Variants in STAT4 observed in about 807,000 individuals in gnomAD.
STAT4 encodes signal transducer and activator of transcription 4.
Under a neutral mutation model 110.5 loss-of-function variants are expected in STAT4, and 42 were observed. That is an observed-to-expected ratio of 0.38 (90% CI 0.30 to 0.49). STAT4 has a LOEUF of 0.49. Ranked by LOEUF, STAT4 falls within the 20% of genes least tolerant of loss-of-function variation. The pLI is 0.95. For missense variants in STAT4, 632 were observed against 887.9 expected (o/e 0.71, Z 3.66); for synonymous variants, 284 against 302.2 (o/e 0.94, Z 0.63).
rs760872742 is a variant in STAT4, at chr2:191,062,784, A to G, written c.919T>C (p.Leu307=). The change falls in exon 9 of 24, where the codon TTG becomes CTG. Residue 307 remains leucine (L), a synonymous_variant. Coordinates refer to ENST00000392320, the MANE Select transcript of STAT4 (RefSeq NM_003151.4). The surrounding 1 kb of genome is among the most constrained non-coding windows in gnomAD (Gnocchi z 4.9). ...TACTTCTTGAAAAGGTTGTAGATCA[A>G]GAAGGTGACTCTTTCTAGCATGTGA... The part of the protein sequence containing the change: ...RTHMLERVTF[L]IYNLFKNSFV... 6.2e-7 allele frequency: 1 copy of G among 1,613,860 alleles called. No individual in the cohort carries two copies. The highest frequency in any genetic ancestry group is 8.5e-7 in the Non-Finnish European group (1 of 1,179,858).
chr2:191,054,903 AGT>A (rs1381622871), intron 13 of STAT4, among the ~76,000 whole-genome samples: 4 of 152,322 alleles, frequency 2.6e-5, no homozygotes, highest in Non-Finnish European at 5.9e-5. Context: ...TGAGAAACCA[AGT>A]CTAACGAAGA....
chr2:191,127,514 C>A (rs142726822), intron 3 of STAT4, among the ~76,000 whole-genome samples: 181 of 152,302 alleles, frequency 1.2e-3, no homozygotes, highest in African/African-American at 4.2e-3. Context: ...TTCATTTTCA[C>A]TTTGTCTCCA....
chr2:191,063,804 A>C (rs1320881761), intron 8 of STAT4, among the ~76,000 whole-genome samples: 1 of 152,230 alleles, frequency 6.6e-6, no homozygotes, highest in Non-Finnish European at 1.5e-5. Flanking sequence ...TGTCTTCCCA[A>C]GGAAAATCAA....
In STAT4 at chr2:191,032,925, A is replaced by G. The variant is rs1470870902; in HGVS notation, c.2044+33T>C. 2 of 1,563,668 alleles carry G rather than the reference A, an allele frequency of 1.3e-6. No homozygotes were observed. Among genetic ancestry groups the G allele is most frequent in the South Asian group, 1.2e-5 (1 of 83,340 alleles). ...GAGGTTATTTTCCAAAATCTTAAGG[A>G]AAAAAAAACAAAAACAAACAGAAAA... On this transcript the variant is annotated intron_variant, in intron 21 of 23. Coordinates refer to ENST00000392320, the MANE Select transcript of STAT4 (RefSeq NM_003151.4). This position sits in a 1 kb window ranked among gnomAD's most constrained non-coding sequence, Gnocchi z 4.9.
In STAT4 at chr2:191,032,546, A is replaced by G. The variant is rs1026781424; in HGVS notation, c.2044+412T>C. Among the ~76,000 whole-genome samples the G allele has an allele frequency of 2.0e-5, 3 of 152,200 alleles. No homozygotes were observed. The highest frequency in any genetic ancestry group is 7.2e-5 in the African/African-American group (3 of 41,444). On this transcript the variant is annotated intron_variant, in intron 21 of 23. Coordinates refer to ENST00000392320, the MANE Select transcript of STAT4 (RefSeq NM_003151.4). This position sits in a 1 kb window ranked among gnomAD's most constrained non-coding sequence, Gnocchi z 4.9. The stretch of plus-strand genomic sequence containing the variant: ...CAGTAAGGTTAAAAATATAAAACTT[A>G]TAAACCCTGGGGTTCCTTTGCAATA...
At chr2:191,139,335 A>T (rs1699261391) in intron 3 of STAT4, among the ~76,000 whole-genome samples, 1 of 152,206 alleles carries the variant, frequency 6.6e-6, no homozygotes, top group Non-Finnish European at 1.5e-5. Context: ...ATATAATCGT[A>T]TACCTAGAAA....
In STAT4 at chr2:191,086,305, T is replaced by C. The variant is rs891814937; in HGVS notation, c.274-9980A>G. Reference sequence around the variant, plus strand: ...CTTTCTGACAGGCCCGGGAACCTCATAGGACCTCAAGAAGAGAGGAATTCA... The same window carrying C: ...CTTTCTGACAGGCCCGGGAACCTCACAGGACCTCAAGAAGAGAGGAATTCA... On this transcript the variant is annotated intron_variant, in intron 3 of 23. Transcript: ENST00000392320. The surrounding 1 kb of genome is among the most constrained non-coding windows in gnomAD (Gnocchi z 5.5). Among the ~76,000 whole-genome samples the C allele has an allele frequency of 4.6e-5, 7 of 152,138 alleles. No homozygotes were observed. The highest frequency in any genetic ancestry group is 2.0e-4 in the Admixed American group (3 of 15,264).
chr2:191,106,133 C>T (rs1304011488), intron 3 of STAT4, among the ~76,000 whole-genome samples: 1 of 152,106 alleles, frequency 6.6e-6, no homozygotes, highest in Non-Finnish European at 1.5e-5. Flanking sequence ...TTCCTTCTGT[C>T]TTAATTTTTC....
chr2:191,106,687 TAAAATAAAATA>T (rs1698292630), intron 3 of STAT4, among the ~76,000 whole-genome samples: 4 of 136,018 alleles, frequency 2.9e-5, no homozygotes, highest in African/African-American at 1.0e-4. Flanking sequence ...TAAAATAAAA[TAAAATAAAATA>T]AAAAAATGTA....
intron 14 of STAT4, 59 bp from the exon 15 acceptor site, chr2:191,041,207 G>T: frequency 1.1e-6 from 1 of 939,396 alleles, no homozygotes; most frequent in South Asian, 3.8e-5. Flanking sequence ...TCTAATAGAA[G>T]ACTTGTTTCT....
At chr2:191,085,392 T>G (rs1015264974) in intron 3 of STAT4, among the ~76,000 whole-genome samples, 1 of 151,708 alleles carries the variant, frequency 6.6e-6, no homozygotes, top group Non-Finnish European at 1.5e-5. Context: ...CTCCCAAATA[T>G]AAAATGGTGT....
intron 3 of STAT4, among the ~76,000 whole-genome samples, chr2:191,105,965 G>A (rs954343491): frequency 2.0e-5 from 3 of 152,208 alleles, no homozygotes; most frequent in African/African-American, 7.2e-5. Context: ...GATTGTGGGT[G>A]CCTCACTGGG....
At chr2:191,052,773 A>G (rs773741366) in intron 14 of STAT4, among the ~76,000 whole-genome samples, 37 of 152,254 alleles carry the variant, frequency 2.4e-4, no homozygotes, top group Non-Finnish European at 4.1e-4. Context: ...GATGTGTGAA[A>G]TGAGCTTTTA....
chr2:191,126,960 C>T (rs367646767), intron 3 of STAT4, among the ~76,000 whole-genome samples: 2 of 152,080 alleles, frequency 1.3e-5, no homozygotes, highest in Non-Finnish European at 2.9e-5. Flanking sequence ...GCTGAGTCTA[C>T]AGGCACACAC....
At position 191,086,012 on chromosome 2, in the gene STAT4, T is replaced by C. The variant is rs114981704; in HGVS notation, c.274-9687A>G. Among the ~76,000 whole-genome samples the C allele has an allele frequency of 0.026, 3,958 of 152,302 alleles. 177 individuals are homozygous for C. Among genetic ancestry groups the C allele is most frequent in the African/African-American group, 0.091 (3,780 of 41,572 alleles). On this transcript the variant is annotated intron_variant, in intron 3 of 23. Coordinates refer to ENST00000392320, the MANE Select transcript of STAT4 (RefSeq NM_003151.4). This position sits in a 1 kb window ranked among gnomAD's most constrained non-coding sequence, Gnocchi z 5.5. ...TGAAACATATTTCTTTCTCCAGAAT[T>C]TGGAAACTATTTGTGAGTATTCTTA...
At position 191,030,960 on chromosome 2, in the gene STAT4, A is replaced by C. The variant is rs1254138294; in HGVS notation, c.2220+12T>G. The C allele has an allele frequency of 6.2e-7, 1 of 1,611,120 alleles. No homozygotes were observed. Among genetic ancestry groups the C allele is most frequent in the Non-Finnish European group, 8.5e-7 (1 of 1,177,280 alleles). ...CACCTTTGACCAGCAATGGAAAATA[A>C]AGGGAACATACTGCAGTTTCAATTG... On this transcript the variant is annotated intron_variant, in intron 23 of 23. Coordinates refer to ENST00000392320, the MANE Select transcript of STAT4 (RefSeq NM_003151.4). This position sits in a 1 kb window ranked among gnomAD's most constrained non-coding sequence, Gnocchi z 4.4.
rs1697758327 is a variant in STAT4, at chr2:191,090,426, G to A, written c.274-14101C>T. The stretch of plus-strand genomic sequence containing the variant: ...ATAAAAGAAAGGTACAGTATAGGCT[G>A]TTGATGGATCTAAATTAACAATGCT... On this transcript the variant is annotated intron_variant, in intron 3 of 23. Coordinates refer to ENST00000392320, the MANE Select transcript of STAT4 (RefSeq NM_003151.4). This position sits in a 1 kb window ranked among gnomAD's most constrained non-coding sequence, Gnocchi z 4.2. 1.3e-5 allele frequency among the ~76,000 whole-genome samples: 2 copies of A among 151,808 alleles called. No homozygotes were observed. Among genetic ancestry groups the A allele is most frequent in the Non-Finnish European group, 2.9e-5 (2 of 67,998 alleles).
At chr2:191,125,797 T>C (rs1158695135) in intron 3 of STAT4, among the ~76,000 whole-genome samples, 3 of 152,048 alleles carry the variant, frequency 2.0e-5, no homozygotes, top group East Asian at 1.9e-4. Context: ...ATCCTCATTA[T>C]TGAAAGGGAG....
chr2:191,047,587 T>C lies in STAT4; in HGVS notation c.1252-6439A>G, dbSNP rs142718989. 3.3e-5 allele frequency among the ~76,000 whole-genome samples: 5 copies of C among 152,302 alleles called. No individual in the cohort carries two copies. In the East Asian group the frequency reaches 9.6e-4, roughly 29 times the overall value. Reference sequence around the variant, plus strand: ...TATTTAGGTGACCAGAAGGGAGGTATGGAGAGTAAGAGTAGAAAAAAGTTT... The same window carrying C: ...TATTTAGGTGACCAGAAGGGAGGTACGGAGAGTAAGAGTAGAAAAAAGTTT... On this transcript the variant is annotated intron_variant, in intron 14 of 23. Coordinates refer to ENST00000392320, the MANE Select transcript of STAT4 (RefSeq NM_003151.4).
Sources: allele counts gnomAD v4.1 joint callset (sites outside exome capture counted in the v4.1 genomes callset), GRCh38; gene constraint gnomAD v4.1.1; non-coding constraint Gnocchi (gnomAD v3.1); transcripts MANE v1.5; gene names NCBI Gene and HGNC (gene_info 2026-07-23, HGNC 2026-07-21).